The following PFKFB4 variants were observed in gnomAD, a reference collection of about 807,000 sequenced individuals.
PFKFB4 encodes 6-phosphofructo-2-kinase/fructose-2,6-biphosphatase 4.
Under a neutral mutation model 62.8 loss-of-function variants are expected in PFKFB4, and 42 were observed. The ratio of observed to expected loss-of-function variants is 0.67; its 90% confidence interval spans 0.52 to 0.86. The LOEUF is 0.86. PFKFB4 is among the 40% of genes least tolerant of loss of function. PFKFB4 has a pLI of 0.00. For missense variants in PFKFB4, 475 were observed against 627.2 expected, an observed-to-expected ratio of 0.76 and a Z score of 2.59; for synonymous variants, 204 against 240.7, an observed-to-expected ratio of 0.85 and a Z score of 1.41.
In PFKFB4 at chr3:48,552,619, C is replaced by T. The variant is rs552385785; in HGVS notation, c.98-2385G>A. 4.6e-5 allele frequency among the ~76,000 whole-genome samples: 7 copies of T among 152,332 alleles called. No homozygotes were observed. The South Asian group carries it at 6.2e-4, about 14-fold the overall frequency. ...TTTGCATAGTTCCCGGCCAGGTGGC[C>T]GGGCTCTCAAGCAACCAAGGGCAGT... On this transcript the variant is annotated intron_variant, in intron 1 of 13. Transcript: ENST00000232375.
chr3:48,530,330 A>G (rs988898754), intron 9 of PFKFB4, among the ~76,000 whole-genome samples: 1 of 152,210 alleles, frequency 6.6e-6, no homozygotes, highest in African/African-American at 2.4e-5. Context: ...TCGAAAAAAC[A>G]GAGCAAAAAG....
intron 1 of PFKFB4, among the ~76,000 whole-genome samples, chr3:48,555,226 T>TTA (rs1214809755): frequency 6.6e-6 from 1 of 151,948 alleles, no homozygotes; most frequent in African/African-American, 2.4e-5. Context: ...TGAGTGTGCA[T>TTA]TATAGACAGC....
At chr3:48,551,727 T>C (rs2107593693) in intron 1 of PFKFB4, among the ~76,000 whole-genome samples, 1 of 151,188 alleles carries the variant, frequency 6.6e-6, no homozygotes, top group East Asian at 1.9e-4. Context: ...GTATTTTCAG[T>C]AGAGACAGGA....
Position 48,536,460 on chromosome 3 carries a change from GTCCCT to G in PFKFB4, c.633-2_635del. ...CATCCATGATCTTGATATAGGACAG[GTCCCT>G]GTCCAGAGAGAAAGTAGAAAGAGGC... On this transcript the variant is annotated splice_acceptor_variant and coding_sequence_variant, in exon 8 of 14. Coordinates refer to ENST00000232375, the MANE Select transcript of PFKFB4 (RefSeq NM_004567.4). LOFTEE classifies it high-confidence loss of function. The G allele has an allele frequency of 1.2e-6, 2 of 1,604,202 alleles. No homozygotes were observed. The highest frequency in any genetic ancestry group is 1.3e-5 in the African/African-American group (1 of 74,904).
At chr3:48,538,960 T>A (rs896271325) in intron 6 of PFKFB4, among the ~76,000 whole-genome samples, 2 of 151,924 alleles carry the variant, frequency 1.3e-5, no homozygotes, top group Admixed American at 1.3e-4. Context: ...AAAGAATGAG[T>A]CTTTCTTTCT....
At chr3:48,524,820 C>T (rs928897109) in intron 10 of PFKFB4, among the ~76,000 whole-genome samples, 10 of 152,196 alleles carry the variant, frequency 6.6e-5, no homozygotes, top group South Asian at 2.1e-4. Context: ...TGCCCCAGGC[C>T]ACCTCCTGGA....
chr3:48,558,098 T>A (rs2043373669), upstream of PFKFB4, among the ~76,000 whole-genome samples: 1 of 152,232 alleles, frequency 6.6e-6, no homozygotes, highest in Admixed American at 6.5e-5. Context: ...CATTTTAAAA[T>A]ACGTTATGGT....
chr3:48,547,175 C>T (rs753852357), intron 3 of PFKFB4, among the ~76,000 whole-genome samples: 19 of 152,140 alleles, frequency 1.2e-4, no homozygotes, highest in Admixed American at 2.6e-4. Context: ...AGAACATGTG[C>T]GCCTTCGTGT....
At position 48,532,554 on chromosome 3, in the gene PFKFB4, G is replaced by A. The variant is rs191070021; in HGVS notation, c.987+2958C>T. ...TAGAATCTTATTCTGCCTTAGAAAGGAAGAAAATTCTTAAGGCTGGGTGTG... is the reference window on the plus strand; with the variant it reads ...TAGAATCTTATTCTGCCTTAGAAAGAAAGAAAATTCTTAAGGCTGGGTGTG... On this transcript the variant is annotated intron_variant, in intron 9 of 13. Coordinates refer to ENST00000232375, the MANE Select transcript of PFKFB4 (RefSeq NM_004567.4). Among the ~76,000 whole-genome samples the A allele has an allele frequency of 1.5e-3, 226 of 152,296 alleles. 1 individual carries two copies. Among genetic ancestry groups the A allele is most frequent in the Non-Finnish European group, 2.3e-3 (159 of 68,024 alleles).
At chr3:48,537,516 C>CTTT (rs34454675) in intron 7 of PFKFB4, among the ~76,000 whole-genome samples, 151 of 91,360 alleles carry the variant, frequency 1.7e-3, no homozygotes, top group Non-Finnish European at 2.1e-3. Context: ...CATGTGCATC[C>CTTT]TTTTTTTTTT....
chr3:48,554,105 C>T (rs563797954), intron 1 of PFKFB4, among the ~76,000 whole-genome samples: 10 of 152,120 alleles, frequency 6.6e-5, no homozygotes, highest in South Asian at 2.1e-4. Flanking sequence ...CCACCAGCCC[C>T]TAGTGCCCTG....
At chr3:48,551,573 C>T (rs1169491821) in intron 1 of PFKFB4, among the ~76,000 whole-genome samples, 2 of 126,270 alleles carry the variant, frequency 1.6e-5, no homozygotes, top group East Asian at 2.3e-4. Flanking sequence ...CTCGCTCTGT[C>T]GCCCTTGCCC....
chr3:48,531,618 G>A (rs2042430189), intron 9 of PFKFB4, among the ~76,000 whole-genome samples: 1 of 149,860 alleles, frequency 6.7e-6, no homozygotes, highest in South Asian at 2.1e-4. Context: ...ACCGCACCCG[G>A]CCAAAAAAAA....
chr3:48,550,119 C>T lies in PFKFB4; in HGVS notation c.213G>A (p.Arg71=). 1 of 1,608,890 alleles carries T rather than the reference C, an allele frequency of 6.2e-7. No homozygotes were observed. The highest frequency in any genetic ancestry group is 8.5e-7 in the Non-Finnish European group (1 of 1,175,194). The stretch of plus-strand genomic sequence containing the variant: ...TAGACAGCTGGGGCCAAGCCTCACC[C>T]CGAGTGGGCACACCAATCCAGTTCA... The part of the protein sequence containing the change: ...RYLNWIGVPT[R]EFNVGQYRRD... Residue 71 remains arginine (R), a splice_region_variant and synonymous_variant, in exon 2 of 14, where the codon CGG becomes CGA. Transcript: ENST00000232375.
rs2042851414 is a variant in PFKFB4 at position 48,543,259 on chromosome 3, A to C, written c.378+321T>G. ...TAATGCTGGGCAGGATTCTCCCCAC[A>C]CCAGGAGAAATCACATTTACTAAAG... On this transcript the variant is annotated intron_variant, in intron 4 of 13. Transcript: ENST00000232375. Among the ~76,000 whole-genome samples, 3 of 152,200 alleles carry C rather than the reference A, an allele frequency of 2.0e-5. No individual in the cohort carries two copies. In the South Asian group the frequency reaches 6.2e-4, roughly 31 times the overall value.
At chr3:48,546,341 T>C in intron 3 of PFKFB4, among the ~76,000 whole-genome samples, 1 of 151,776 alleles carries the variant, frequency 6.6e-6, no homozygotes, top group East Asian at 1.9e-4. Flanking sequence ...AGAGTATGCA[T>C]GTGGGGGTGA....
chr3:48,538,409 C>T, intron 7 of PFKFB4, 89 bp downstream of exon 7: 1 of 1,512,006 alleles, frequency 6.6e-7, no homozygotes, highest in African/African-American at 1.4e-5. Flanking sequence ...GTCCTCCAGC[C>T]ACCACCATGG....
chr3:48,532,085 T>C (rs1386501430), intron 9 of PFKFB4, among the ~76,000 whole-genome samples: 2 of 152,156 alleles, frequency 1.3e-5, no homozygotes, highest in Non-Finnish European at 1.5e-5. Flanking sequence ...GGCGGGTGGA[T>C]TGCCTGAGGT....
intron 12 of PFKFB4, 90 bp from the exon 13 acceptor site, chr3:48,522,140 C>A: frequency 8.6e-7 from 1 of 1,161,996 alleles, no homozygotes; most frequent in Non-Finnish European, 1.3e-6. Flanking sequence ...GGGGTCTGGG[C>A]GTGTGGAATG....
Sources: allele counts gnomAD v4.1 joint callset (sites outside exome capture counted in the v4.1 genomes callset), GRCh38; gene constraint gnomAD v4.1.1; transcripts MANE v1.5; gene names NCBI Gene and HGNC (gene_info 2026-07-23, HGNC 2026-07-21).